The following FREM3 variants were observed in gnomAD, a reference collection of about 807,000 sequenced individuals.
FREM3 encodes the protein FRAS1-related extracellular matrix protein 3.
A neutral mutation model predicts 129.1 loss-of-function variants in FREM3; 105 were observed. The observed-to-expected ratio is 0.81, with a 90% CI of 0.69 to 0.96. The LOEUF (loss-of-function observed/expected upper bound fraction) is 0.96. Among genes scored for constraint, FREM3 ranks in the 40% least tolerant of loss-of-function variants. FREM3 has a pLI of 0.00. For missense variants in FREM3, 2,593 were observed against 2,666.3 expected (o/e 0.97, Z 0.61); for synonymous variants, 1,014 against 1,044.9 (o/e 0.97, Z 0.57).
chr4:143,627,749 G>A lies in FREM3; in HGVS notation c.5287C>T (p.Leu1763=). The part of the protein sequence containing the change: ...FSVEDNGGNK[L]TNQPFHLNWA... ...TTTAGATGGAAAGGCTGATTTGTTA[G>A]TTTATTTCCTCCTGCAATTGATAGG... is the stretch of plus-strand genomic sequence containing the variant. Residue 1763 remains leucine, a synonymous_variant, in exon 3 of 8, where the codon CTA becomes TTA. Transcript: ENST00000329798. 1 of 1,535,114 alleles carries A rather than the reference G, an allele frequency of 6.5e-7. No individual in the cohort carries two copies. Among genetic ancestry groups the A allele is most frequent in the Non-Finnish European group, 8.7e-7 (1 of 1,145,344 alleles).
intron 5 of FREM3, among the ~76,000 whole-genome samples, 172 bp downstream of exon 5, chr4:143,620,865 G>C (rs1226438593): frequency 6.6e-6 from 1 of 152,130 alleles, no homozygotes; most frequent in Non-Finnish European, 1.5e-5. Context: ...GAGGAGTAGG[G>C]CACCTGCACA....
chr4:143,640,529 G>A (rs1478544214), intron 2 of FREM3, among the ~76,000 whole-genome samples: 1 of 152,120 alleles, frequency 6.6e-6, no homozygotes, highest in Non-Finnish European at 1.5e-5. Flanking sequence ...AATTAGCTGG[G>A]CGTGGTGACA....
At position 143,577,591 on chromosome 4, in the gene FREM3, T is replaced by G. The variant is rs1435558060; in HGVS notation, c.*20A>C. On this transcript the variant is annotated 3_prime_UTR_variant, in exon 8 of 8. Transcript: ENST00000329798. ...TGTTAGGAGACATATCTTGGCTGTT[T>G]TTTTCCCTCTTAAAGTCTTTCAATC... is the stretch of plus-strand genomic sequence containing the variant. The G allele has an allele frequency of 7.8e-6, 12 of 1,529,488 alleles. No individual in the cohort carries two copies. Among genetic ancestry groups the G allele is most frequent in the Non-Finnish European group, 1.1e-5 (12 of 1,142,068 alleles). 94.7% of individuals were successfully genotyped at this position (1,529,488 alleles called of 1,614,324 possible).
intron 6 of FREM3, among the ~76,000 whole-genome samples, chr4:143,609,158 A>G (rs1197291302): frequency 6.6e-6 from 1 of 152,158 alleles, no homozygotes; most frequent in Non-Finnish European, 1.5e-5. Flanking sequence ...AGTGTGTCTC[A>G]GGCTTAGAAT....
chr4:143,589,580 C>G (rs188056457), intron 6 of FREM3, among the ~76,000 whole-genome samples: 20,171 of 151,992 alleles, frequency 0.13, 2,671 homozygotes, highest in East Asian at 0.63. Flanking sequence ...TGAGGGCTCT[C>G]TTCTGTTCCA....
chr4:143,602,608 C>G (rs112815899), intron 6 of FREM3, among the ~76,000 whole-genome samples: 4 of 151,580 alleles, frequency 2.6e-5, no homozygotes, highest in African/African-American at 9.8e-5. Flanking sequence ...TTAACTCTGA[C>G]AGGAGATTCT....
chr4:143,602,141 C>T (rs1202072152), intron 6 of FREM3, among the ~76,000 whole-genome samples: 1 of 152,060 alleles, frequency 6.6e-6, no homozygotes, highest in Admixed American at 6.6e-5. Flanking sequence ...TATGTAAAAT[C>T]CTAACCCTGG....
At chr4:143,670,391 T>C (rs1251574045) in intron 2 of FREM3, among the ~76,000 whole-genome samples, 2 of 152,238 alleles carry the variant, frequency 1.3e-5, no homozygotes, top group African/African-American at 2.4e-5. Flanking sequence ...CATATATTAA[T>C]ATACACATAT....
Position 143,585,756 on chromosome 4 carries a change from A to G in FREM3, c.6178+88T>C. The G allele has an allele frequency of 7.5e-7, 1 of 1,336,272 alleles. No homozygotes were observed. The highest frequency in any genetic ancestry group is 1.0e-6 in the Non-Finnish European group (1 of 995,222). The allele number at this position is 1,336,272 out of a possible 1,614,324, so 82.8% of individuals were successfully genotyped here. On this transcript the variant is annotated intron_variant, in intron 7 of 7. Transcript: ENST00000329798. This position sits in a 1 kb window ranked among gnomAD's most constrained non-coding sequence, Gnocchi z 4.2. Reference sequence around the variant, plus strand: ...AACTTTCATTCAGAGTCCATCAACAAAGACTAAGCATGCTTACACTTAACA... The same window carrying G: ...AACTTTCATTCAGAGTCCATCAACAGAGACTAAGCATGCTTACACTTAACA...
intron 5 of FREM3, among the ~76,000 whole-genome samples, chr4:143,618,550 C>T (rs2149840738): frequency 6.6e-6 from 1 of 152,200 alleles, no homozygotes; most frequent in Non-Finnish European, 1.5e-5. Flanking sequence ...GTTTGCCAAA[C>T]TTAACCTGCC....
At chr4:143,660,173 A>G (rs1453301994) in intron 2 of FREM3, among the ~76,000 whole-genome samples, 1 of 149,440 alleles carries the variant, frequency 6.7e-6, no homozygotes, top group Non-Finnish European at 1.5e-5. Context: ...TATGTCCTGA[A>G]TGGTAATGCC....
chr4:143,606,675 C>A (rs1038190515), intron 6 of FREM3, among the ~76,000 whole-genome samples: 4 of 152,094 alleles, frequency 2.6e-5, no homozygotes, highest in African/African-American at 9.7e-5. Flanking sequence ...CTTTAACTGA[C>A]TGGGCAAACT....
At chr4:143,595,444 C>T (rs1738451726) in intron 6 of FREM3, among the ~76,000 whole-genome samples, 1 of 152,164 alleles carries the variant, frequency 6.6e-6, no homozygotes, top group Non-Finnish European at 1.5e-5. Flanking sequence ...ATCTATTGAG[C>T]ATCCCCTATG....
At chr4:143,674,845 T>C (rs1266841428) in intron 2 of FREM3, among the ~76,000 whole-genome samples, 2 of 152,140 alleles carry the variant, frequency 1.3e-5, no homozygotes, top group African/African-American at 4.8e-5. Context: ...GAGCTAACTG[T>C]CCTAAATATA....
chr4:143,606,802 T>A (rs1007275528), intron 6 of FREM3, among the ~76,000 whole-genome samples: 5 of 150,660 alleles, frequency 3.3e-5, no homozygotes, highest in East Asian at 1.9e-4. Flanking sequence ...GATTTTTTTT[T>A]ATGTATTTCT....
chr4:143,692,722 A>G (rs1740495039), intron 2 of FREM3, among the ~76,000 whole-genome samples: 1 of 152,186 alleles, frequency 6.6e-6, no homozygotes, highest in East Asian at 1.9e-4. Context: ...TCAGTTCTGC[A>G]GATAAAAATC....
At chr4:143,620,300 C>T (rs1337365299) in intron 5 of FREM3, among the ~76,000 whole-genome samples, 1 of 152,196 alleles carries the variant, frequency 6.6e-6, no homozygotes, top group Non-Finnish European at 1.5e-5. Flanking sequence ...AAAGCTTTCT[C>T]ATGCTTCTGC....
chr4:143,582,899 T>TG (rs1738172028), intron 7 of FREM3, among the ~76,000 whole-genome samples: 1 of 5,922 alleles, frequency 1.7e-4, no homozygotes, highest in Non-Finnish European at 3.1e-4. Flanking sequence ...ATTAATTTAC[T>TG]TTTTTTTTTT....
chr4:143,636,827 T>G (rs1739241370), intron 2 of FREM3, among the ~76,000 whole-genome samples: 1 of 152,168 alleles, frequency 6.6e-6, no homozygotes, highest in Admixed American at 6.5e-5. Context: ...GACTCTCAAA[T>G]AGGTAAAGTC....
Sources: allele counts gnomAD v4.1 joint callset (sites outside exome capture counted in the v4.1 genomes callset), GRCh38; gene constraint gnomAD v4.1.1; non-coding constraint Gnocchi (gnomAD v3.1); transcripts MANE v1.5; gene names NCBI Gene and HGNC (gene_info 2026-07-23, HGNC 2026-07-21).